DNAH5: variants seen among roughly 807,000 people sequenced by gnomAD.
The protein encoded by DNAH5 is dynein axonemal heavy chain 5, also known as axonemal beta dynein heavy chain 5.
A neutral mutation model predicts 518.2 loss-of-function variants in DNAH5; 372 were observed. That is an observed-to-expected ratio of 0.72 (90% CI 0.66 to 0.78). The LOEUF (loss-of-function observed/expected upper bound fraction) is 0.78. DNAH5 is among the 30% of genes least tolerant of loss of function. The pLI is 0.00. For missense variants in DNAH5, 5,523 were observed against 5,687.0 expected (o/e 0.97, Z 0.93); for synonymous variants, 2,039 against 2,025.9 (o/e 1.01, Z -0.17).
rs1296081403 is a variant in DNAH5 at position 13,810,154 on chromosome 5, T to C, written c.7514A>G (p.Glu2505Gly). ...TGTGGGCCGAGAGCGCAGCCAGAGC[T>C]CCAGGCGGCGCCGTCCGTCCAGCTC... ...ALELDGRRRLELWLRSRPTGT... is the reference protein window; with the variant it reads ...ALELDGRRRLGLWLRSRPTGT... The change falls in exon 45 of 79, where the codon GAG becomes GGG. Residue 2505 changes from glutamate to glycine, a missense_variant. By Grantham distance (98) the Glu-to-Gly change is moderately conservative. This residue lies in a region of DNAH5 where 5,121 missense variants were observed against 5,223.3 expected (regional missense o/e 0.98). Coordinates refer to ENST00000265104, the MANE Select transcript of DNAH5 (RefSeq NM_001369.3). The C allele has an allele frequency of 6.5e-7, 1 of 1,548,436 alleles. No homozygotes were observed. The highest frequency in any genetic ancestry group is 8.7e-7 in the Non-Finnish European group (1 of 1,145,692).
chr5:13,856,198 TG>T (rs1767609277), intron 30 of DNAH5, among the ~76,000 whole-genome samples: 1 of 151,982 alleles, frequency 6.6e-6, no homozygotes, highest in Non-Finnish European at 1.5e-5. Flanking sequence ...AAAAAATCAA[TG>T]AATCCAGGAG....
intron 1 of DNAH5, among the ~76,000 whole-genome samples, chr5:13,974,768 C>T (rs933787249): frequency 1.3e-5 from 2 of 152,180 alleles, no homozygotes; most frequent in African/African-American, 4.8e-5. Flanking sequence ...CTTCACAGGC[C>T]TCAATGAGCA....
chr5:13,747,502 C>T, intron 65 of DNAH5, among the ~76,000 whole-genome samples: 1 of 152,216 alleles, frequency 6.6e-6, no homozygotes, highest in East Asian at 1.9e-4. Context: ...TACAGTCCCA[C>T]CAACAGTGTA....
chr5:13,877,652 A>G (rs1025041728), intron 21 of DNAH5, among the ~76,000 whole-genome samples: 4 of 152,218 alleles, frequency 2.6e-5, no homozygotes, highest in African/African-American at 9.6e-5. Flanking sequence ...GTGGAGACAC[A>G]CTTGGACATG....
At chr5:13,713,118 T>C (rs1190692094) in intron 75 of DNAH5, among the ~76,000 whole-genome samples, 1 of 147,950 alleles carries the variant, frequency 6.8e-6, no homozygotes, top group East Asian at 2.0e-4. Context: ...TATATATATA[T>C]ATATATACAC....
chr5:13,917,092 A>T, intron 8 of DNAH5, 51 bp downstream of exon 8: 1 of 1,334,484 alleles, frequency 7.5e-7, no homozygotes, highest in Non-Finnish European at 1.1e-6. Context: ...CAATTCAGCT[A>T]GTGCAAAAAG....
Position 13,839,383 on chromosome 5 carries a change from C to T in DNAH5, c.5855G>A (p.Arg1952Lys). The T allele has an allele frequency of 6.2e-7, 1 of 1,614,098 alleles. No homozygotes were observed. Among genetic ancestry groups the T allele is most frequent in the South Asian group, 1.1e-5 (1 of 91,088 alleles). Residue 1952 changes from arginine (R) to lysine (K), a missense_variant, in exon 35 of 79, where the codon AGG (arginine) becomes AAG (lysine). Physicochemically the swap from Arg to Lys is conservative, Grantham distance 26. Transcript: ENST00000265104. ...YQNEFLGCTD[R>K]LVITPLTDRC... is the part of the protein sequence containing the mutation. ...GTCTGTAAGTGGAGTTATTACAAGC[C>T]TGTCAGTGCAGCCTAAAAATTCATT...
chr5:13,817,688 C>A lies in DNAH5; in HGVS notation c.6848G>T (p.Gly2283Val). 1 of 1,614,146 alleles carries A rather than the reference C, an allele frequency of 6.2e-7. No individual in the cohort carries two copies. The highest frequency in any genetic ancestry group is 1.1e-5 in the South Asian group (1 of 91,078). Residue 2283 changes from glycine (G) to valine (V), a missense_variant, in exon 42 of 79, where the codon GGA becomes GTA. By Grantham distance (109) the Gly-to-Val change is moderately radical. Around this residue, in one of 3 missense-constraint regions of DNAH5, gnomAD observed 5,121 missense variants for 5,223.3 expected, o/e 0.98. Transcript: ENST00000265104. ...CATCCTCATTTCCCGATGTGGTTTT[C>A]CACAATCTATACCAAGTAAATCCAA... ...HTLMRAMTDC[G>V]KPHREMRMNP...
chr5:13,718,106 T>G (rs1185540143), intron 72 of DNAH5, among the ~76,000 whole-genome samples: 1 of 152,160 alleles, frequency 6.6e-6, no homozygotes, highest in African/African-American at 2.4e-5. Flanking sequence ...TTGGGCCTTG[T>G]TAGCAACTCC....
intron 65 of DNAH5, among the ~76,000 whole-genome samples, chr5:13,741,621 C>T (rs552213698): frequency 3.9e-5 from 6 of 152,066 alleles, no homozygotes; most frequent in Non-Finnish European, 8.8e-5. Flanking sequence ...TACGGTTGTA[C>T]TAGGAAATAA....
At chr5:13,750,663 C>T (rs1750083385) in intron 65 of DNAH5, among the ~76,000 whole-genome samples, 1 of 152,064 alleles carries the variant, frequency 6.6e-6, no homozygotes, top group South Asian at 2.1e-4. Flanking sequence ...ATTTTATATT[C>T]TAAAAGCATA....
At position 13,777,316 on chromosome 5, in the gene DNAH5, A is replaced by G; in HGVS notation, c.8991T>C (p.Val2997=). 1 of 1,613,512 alleles carries G rather than the reference A, an allele frequency of 6.2e-7. No individual in the cohort carries two copies. Among genetic ancestry groups the G allele is most frequent in the Non-Finnish European group, 8.5e-7 (1 of 1,179,660 alleles). The part of the protein sequence containing the change: ...NTSNLMEDLK[V]LYRTAGQQGK... ...CTTGCTGACCAGCTGTTCGATACAA[A>G]ACCTTCAGATCTTCCATCAGATTTG... The change falls in exon 54 of 79, where the codon GTT becomes GTC. Residue 2997 remains valine (V), a synonymous_variant. Transcript: ENST00000265104.
chr5:13,946,491 A>G (rs1028591330), upstream of DNAH5, among the ~76,000 whole-genome samples: 1 of 151,958 alleles, frequency 6.6e-6, no homozygotes, highest in African/African-American at 2.4e-5. Context: ...CAGGCCACCT[A>G]CCCCCGCCAG....
In DNAH5 at chr5:13,917,373, G is replaced by A. The variant is rs1017706491; in HGVS notation, c.976-117C>T. 4 of 771,174 alleles carry A rather than the reference G, an allele frequency of 5.2e-6. No individual in the cohort carries two copies. The African/African-American group carries it at 6.9e-5, about 13-fold the overall frequency. The allele number at this position is 771,174 out of a possible 1,614,324, so 47.8% of individuals were successfully genotyped here. ...GGCGAGACCTTCTGTCCATCTCACA[G>A]AAAACTGAATCCAGAGGGGCGAGAG... On this transcript the variant is annotated intron_variant, in intron 7 of 78. Transcript: ENST00000265104.
chr5:13,876,470 C>T (rs1770902338), intron 22 of DNAH5, among the ~76,000 whole-genome samples: 1 of 152,126 alleles, frequency 6.6e-6, no homozygotes, highest in Non-Finnish European at 1.5e-5. Flanking sequence ...TTAAACAAAA[C>T]ACAATATGAG....
At position 13,759,063 on chromosome 5, in the gene DNAH5, TA is replaced by T. The variant is rs34516765; in HGVS notation, c.10282-81del. 446,797 of 1,583,688 alleles carry T rather than the reference TA, an allele frequency of 0.28. 66,859 individuals are homozygous for T. Among genetic ancestry groups the T allele is most frequent in the South Asian group, 0.43 (38,939 of 90,364 alleles). On this transcript the variant is annotated intron_variant, in intron 60 of 78. Transcript: ENST00000265104. Reference sequence around the variant, plus strand: ...GCATTTCAGGGTCTGAGAACTCAGCTAACGTCACATGTTTATACCTTTGCTT... The same window carrying T: ...GCATTTCAGGGTCTGAGAACTCAGCTACGTCACATGTTTATACCTTTGCTT...
At chr5:13,836,704 A>G (rs1289626486) in intron 35 of DNAH5, among the ~76,000 whole-genome samples, 1 of 152,238 alleles carries the variant, frequency 6.6e-6, no homozygotes, top group Non-Finnish European at 1.5e-5. Context: ...GCAACCTGCA[A>G]TCTGTAAACA....
At position 13,776,582 on chromosome 5, in the gene DNAH5, C is replaced by T. The variant is rs113742238; in HGVS notation, c.9230G>A (p.Arg3077Gln). Residue 3077 changes from arginine to glutamine, a missense_variant, in exon 55 of 79, where the codon CGG becomes CAG. Physicochemically the swap from Arg to Gln is conservative, Grantham distance 43 (BLOSUM62 1). Coordinates refer to ENST00000265104, the MANE Select transcript of DNAH5 (RefSeq NM_001369.3). ...NENLHDYFMS[R>Q]VRQNLHIVLC... Reference sequence around the variant, plus strand: ...CACAATATGAAGGTTCTGTCGGACCCGACTCATGAAGTAGTCGTGCAGGTT... The same window carrying T: ...CACAATATGAAGGTTCTGTCGGACCTGACTCATGAAGTAGTCGTGCAGGTT... The T allele has an allele frequency of 1.3e-4, 209 of 1,613,870 alleles. No individual in the cohort carries two copies. In the African/African-American group the frequency reaches 2.1e-3, roughly 16 times the overall value.
intron 69 of DNAH5, among the ~76,000 whole-genome samples, chr5:13,728,573 C>A (rs1487609018): frequency 6.6e-6 from 1 of 152,060 alleles, no homozygotes; most frequent in African/African-American, 2.4e-5. Flanking sequence ...TGGGGGTAAT[C>A]CTATTGGGGA....
Sources: gnomAD v4.1 joint callset for allele counts (sites outside exome capture counted in the v4.1 genomes callset) on GRCh38, gnomAD v4.1.1 for gene constraint, gnomAD v4.1.1 regional missense constraint, MANE v1.5 for transcripts, NCBI Gene and HGNC (gene_info 2026-07-23, HGNC 2026-07-21) for gene names.